The following ADAMTS2 variants were observed in gnomAD, a reference collection of about 807,000 sequenced individuals.
ADAMTS2 encodes the protein ADAM metallopeptidase with thrombospondin type 1 motif 2.
In ADAMTS2, 50 loss-of-function variants were observed where a neutral mutation model predicts 123.0. The ratio of observed to expected loss-of-function variants is 0.41; its 90% CI spans 0.32 to 0.51. ADAMTS2 has a LOEUF of 0.51. Among genes scored for constraint, ADAMTS2 ranks in the 20% least tolerant of loss-of-function variants. The pLI is 0.35. For missense variants in ADAMTS2, 1,494 were observed against 1,705.2 expected, an observed-to-expected ratio of 0.88 and a Z score of 2.18; for synonymous variants, 678 against 695.4, an observed-to-expected ratio of 0.98 and a Z score of 0.39.
rs1469143420 is a variant in ADAMTS2, at chr5:179,269,093, A to G, written c.688+3818T>C. Among the ~76,000 whole-genome samples the G allele has an allele frequency of 2.6e-5, 4 of 152,166 alleles. No individual in the cohort carries two copies. The South Asian group carries it at 6.2e-4, about 24-fold the overall frequency. On this transcript the variant is annotated intron_variant, in intron 3 of 21. Transcript: ENST00000251582. ...AGAGGGAAGCACAGGGACACGTCAG[A>G]AGAGGAGGGGGCGACATGACCCGGG... is the stretch of plus-strand genomic sequence containing the variant.
At chr5:179,156,351 A>T (rs1581158296) in intron 6 of ADAMTS2, among the ~76,000 whole-genome samples, 1 of 143,828 alleles carries the variant, frequency 7.0e-6, no homozygotes. Context: ...TTTTTATTTC[A>T]GCTTTCGATT....
At chr5:179,325,362 G>A (rs1361049808) in intron 2 of ADAMTS2, among the ~76,000 whole-genome samples, 2 of 152,202 alleles carry the variant, frequency 1.3e-5, no homozygotes, top group Non-Finnish European at 2.9e-5. Flanking sequence ...CTGGAAGGGA[G>A]TGGGAGAAAC....
intron 3 of ADAMTS2, among the ~76,000 whole-genome samples, chr5:179,266,018 G>C (rs888493786): frequency 1.3e-5 from 2 of 152,206 alleles, no homozygotes; most frequent in Admixed American, 1.3e-4. Flanking sequence ...GTATGAGAGA[G>C]AGCACCTATC....
At chr5:179,331,976 G>A (rs780906454) in intron 2 of ADAMTS2, among the ~76,000 whole-genome samples, 1 of 152,224 alleles carries the variant, frequency 6.6e-6, no homozygotes, top group Admixed American at 6.5e-5. Context: ...CCCCACTTGC[G>A]GTGGCAAGTT....
chr5:179,220,495 C>G (rs567980792), intron 3 of ADAMTS2, among the ~76,000 whole-genome samples: 1 of 152,306 alleles, frequency 6.6e-6, no homozygotes, highest in South Asian at 2.1e-4. Flanking sequence ...CTGCTGCCTC[C>G]TCTGCCCGCA....
intron 1 of ADAMTS2, 37 bp from the exon 2 acceptor site, chr5:179,344,198 C>G: frequency 6.5e-7 from 1 of 1,549,530 alleles, no homozygotes; most frequent in Non-Finnish European, 8.7e-7. Context: ...GCGGAGACCA[C>G]GGAGCCCCAG....
rs532410075 is a variant in ADAMTS2 at position 179,312,792 on chromosome 5, G to A, written c.534+30975C>T. Among the ~76,000 whole-genome samples the A allele has an allele frequency of 5.9e-5, 9 of 152,284 alleles. No homozygotes were observed. The highest frequency in any genetic ancestry group is 5.8e-4 in the East Asian group (3 of 5,172). The stretch of plus-strand genomic sequence containing the variant: ...GGACGCATCCTCCCCTAGAGGCTCC[G>A]GAGGGAGCGCGGCCCTGCCGCCACC... On this transcript the variant is annotated intron_variant, in intron 2 of 21. Transcript: ENST00000251582. This position sits in a 1 kb window ranked among gnomAD's most constrained non-coding sequence, Gnocchi z 4.2.
chr5:179,139,470 G>A (rs1763122904), intron 11 of ADAMTS2, among the ~76,000 whole-genome samples: 1 of 152,056 alleles, frequency 6.6e-6, no homozygotes, highest in Non-Finnish European at 1.5e-5. Flanking sequence ...CCCTCCCCTG[G>A]GCAGCCAGAC....
chr5:179,334,006 G>A (rs1757545523), intron 2 of ADAMTS2, among the ~76,000 whole-genome samples: 1 of 152,194 alleles, frequency 6.6e-6, no homozygotes, highest in East Asian at 1.9e-4. Context: ...TGCAGACAGT[G>A]CCACCACCTC....
chr5:179,316,970 A>AT (rs1757017037), intron 2 of ADAMTS2, among the ~76,000 whole-genome samples: 1 of 152,220 alleles, frequency 6.6e-6, no homozygotes, highest in South Asian at 2.1e-4. Flanking sequence ...TTTTTTAAAA[A>AT]GAATACACAG....
intron 3 of ADAMTS2, among the ~76,000 whole-genome samples, chr5:179,247,497 A>G (rs1051089149): frequency 4.6e-5 from 7 of 152,216 alleles, no homozygotes; most frequent in African/African-American, 1.7e-4. Context: ...CAAATTTGAT[A>G]AAAAGAACAT....
intron 3 of ADAMTS2, among the ~76,000 whole-genome samples, chr5:179,213,573 C>T (rs768576641): frequency 7.9e-4 from 120 of 152,188 alleles, no homozygotes; most frequent in Non-Finnish European, 1.5e-3. Context: ...GAAGGAGAGG[C>T]AGGTGCAGCA....
chr5:179,207,756 C>CACCCGGACACAAACCT, intron 3 of ADAMTS2, 41 bp from the exon 4 acceptor site: 2 of 1,583,038 alleles, frequency 1.3e-6, no homozygotes, highest in Non-Finnish European at 1.7e-6. Flanking sequence ...AGGGCAAACC[C>CACCCGGACACAAACCT]ACCCGGACAC....
chr5:179,127,035 C>G (rs1011137772), intron 17 of ADAMTS2, among the ~76,000 whole-genome samples: 56 of 152,176 alleles, frequency 3.7e-4, no homozygotes, highest in African/African-American at 1.2e-3. Context: ...GTTTTTTATC[C>G]TAAGAGCAGA....
rs1554094148 is a variant in ADAMTS2 at position 179,273,019 on chromosome 5, A to G, written c.580T>C (p.Leu194=). ...MEEEEFFIEP[L]EKGLAAQEAE... ...TCCTGCGCCGCCAGCCCCTTCTCCA[A>G]GGGTTCGATGAAGAACTCCTCCTCC... Residue 194 remains leucine, a synonymous_variant, in exon 3 of 22, where the codon TTG becomes CTG. Transcript: ENST00000251582. The G allele has an allele frequency of 6.2e-7, 1 of 1,613,546 alleles. No individual in the cohort carries two copies.
intron 3 of ADAMTS2, among the ~76,000 whole-genome samples, chr5:179,223,662 A>G (rs1289907232): frequency 1.4e-5 from 2 of 145,354 alleles, no homozygotes; most frequent in African/African-American, 5.0e-5. Context: ...TCACAGACGC[A>G]CACTCACACA....
At chr5:179,241,400 G>A (rs1479653860) in intron 3 of ADAMTS2, among the ~76,000 whole-genome samples, 4 of 152,218 alleles carry the variant, frequency 2.6e-5, no homozygotes, top group Non-Finnish European at 4.4e-5. Flanking sequence ...GGTGGAAAAC[G>A]AGGAGACAGC....
intron 3 of ADAMTS2, among the ~76,000 whole-genome samples, chr5:179,212,369 G>T (rs13186764): frequency 2.1e-5 from 2 of 97,342 alleles, no homozygotes; most frequent in African/African-American, 7.0e-5. Context: ...CCCTGAGGGC[G>T]GGTGCAGTGG....
intron 2 of ADAMTS2, among the ~76,000 whole-genome samples, chr5:179,337,471 A>AC (rs1757645207): frequency 6.6e-6 from 1 of 152,196 alleles, no homozygotes; most frequent in African/African-American, 2.4e-5. Context: ...CAAGACATGC[A>AC]GAGGCAACAT....
Sources: allele counts gnomAD v4.1 joint callset (sites outside exome capture counted in the v4.1 genomes callset), GRCh38; gene constraint gnomAD v4.1.1; non-coding constraint Gnocchi (gnomAD v3.1); transcripts MANE v1.5; gene names NCBI Gene and HGNC (gene_info 2026-07-23, HGNC 2026-07-21).